DNAH9: variants seen among roughly 807,000 people sequenced by gnomAD.
DNAH9 encodes the protein dynein axonemal heavy chain 9.
In DNAH9, 345 loss-of-function variants were observed where a neutral mutation model predicts 471.6. That is an observed-to-expected ratio of 0.73 (90% confidence interval 0.67 to 0.80). The LOEUF (loss-of-function observed/expected upper bound fraction) is 0.80, where lower values mean the gene tolerates loss of function less well. DNAH9 is among the 30% of genes least tolerant of loss of function. The pLI is 0.00. For synonymous variants in DNAH9, 2,093 were observed against 2,123.6 expected, an observed-to-expected ratio of 0.99 and a Z score of 0.40; for missense variants, 5,407 against 5,609.2, an observed-to-expected ratio of 0.96 and a Z score of 1.15.
At chr17:11,839,525 A>G (rs1177568645) in intron 49 of DNAH9, among the ~76,000 whole-genome samples, 1 of 151,978 alleles carries the variant, frequency 6.6e-6, no homozygotes, top group African/African-American at 2.4e-5. Context: ...CAAAAAAAAA[A>G]AAAAGAAAAT....
rs182085773 is a variant in DNAH9 at position 11,626,144 on chromosome 17, T to C, written c.1351-3273T>C. ...TCTTTCCACAATGCCATATGTTGTG[T>C]CTCTGAAGTGGATATTTCAGCCGGT... On this transcript the variant is annotated intron_variant, in intron 6 of 68. Transcript: ENST00000262442. The surrounding 1 kb of genome is among the most constrained non-coding windows in gnomAD (Gnocchi z 4.3). Among the ~76,000 whole-genome samples the C allele has an allele frequency of 1.3e-3, 194 of 152,330 alleles. 1 individual carries two copies. Among genetic ancestry groups the C allele is most frequent in the Non-Finnish European group, 2.3e-3 (155 of 68,026 alleles).
intron 59 of DNAH9, among the ~76,000 whole-genome samples, chr17:11,900,565 A>T (rs541213032): frequency 4.8e-4 from 72 of 150,700 alleles, no homozygotes; most frequent in African/African-American, 1.5e-3. Flanking sequence ...GCAGAATTCT[A>T]CATACCTACC....
At chr17:11,693,695 G>A (rs2074377666) in intron 20 of DNAH9, among the ~76,000 whole-genome samples, 173 bp from the exon 21 acceptor site, 2 of 152,162 alleles carry the variant, frequency 1.3e-5, no homozygotes, top group South Asian at 4.1e-4. Context: ...TTTTGAAAAT[G>A]TAAATGGGTT....
chr17:11,803,929 C>T (rs1969562551), intron 43 of DNAH9, among the ~76,000 whole-genome samples: 1 of 152,226 alleles, frequency 6.6e-6, no homozygotes, highest in Non-Finnish European at 1.5e-5. Context: ...CTCCCTTCAT[C>T]AGGCACCATC....
chr17:11,872,898 C>A (rs147457132), intron 52 of DNAH9, among the ~76,000 whole-genome samples: 3 of 152,182 alleles, frequency 2.0e-5, no homozygotes, highest in African/African-American at 7.2e-5. Flanking sequence ...CCAGCCTGGG[C>A]GACAGAGCGA....
chr17:11,676,636 A>G (rs1418711265), intron 17 of DNAH9, among the ~76,000 whole-genome samples: 1 of 152,112 alleles, frequency 6.6e-6, no homozygotes, highest in African/African-American at 2.4e-5. Context: ...GCCGGACACA[A>G]AAAAACTATC....
At chr17:11,815,434 C>T (rs543439847) in intron 45 of DNAH9, among the ~76,000 whole-genome samples, 6 of 152,162 alleles carry the variant, frequency 3.9e-5, no homozygotes, top group Non-Finnish European at 7.3e-5. Flanking sequence ...TATCTCTCTA[C>T]TTCCCATGCT....
chr17:11,847,478 A>C (rs1471741961), intron 49 of DNAH9, among the ~76,000 whole-genome samples: 1 of 152,136 alleles, frequency 6.6e-6, no homozygotes, highest in Non-Finnish European at 1.5e-5. Flanking sequence ...TCCTTTCTCC[A>C]TGACCTGTTT....
intron 68 of DNAH9, among the ~76,000 whole-genome samples, chr17:11,968,972 T>C (rs1355251823): frequency 6.6e-6 from 1 of 152,222 alleles, no homozygotes; most frequent in Non-Finnish European, 1.5e-5. Flanking sequence ...GCCCGACATC[T>C]GGCAAATATA....
At chr17:11,635,938 T>C (rs753374385) in intron 8 of DNAH9, among the ~76,000 whole-genome samples, 1 of 152,188 alleles carries the variant, frequency 6.6e-6, no homozygotes, top group Non-Finnish European at 1.5e-5. Context: ...ACTTAGCTTC[T>C]TTTTCTTTTC....
In DNAH9 at chr17:11,704,576, C is replaced by T. The variant is rs931206741; in HGVS notation, c.5391+134C>T. 6.7e-6 allele frequency: 5 copies of T among 747,524 alleles called. No individual in the cohort carries two copies. The African/African-American group carries it at 7.2e-5, about 11-fold the overall frequency. 46.3% of individuals were successfully genotyped at this position (747,524 alleles called of 1,614,324 possible). A position where few individuals can be genotyped will look rare whatever the true frequency, so the allele number is the denominator to read the frequency against. On this transcript the variant is annotated intron_variant, in intron 25 of 68. Coordinates refer to ENST00000262442, the MANE Select transcript of DNAH9 (RefSeq NM_001372.4). ...AGCTGGGGGAGGATCACAGTGGCTG[C>T]TCCTACTTTTTTTTTTTTTTTTTTG...
At chr17:11,792,391 G>T (rs1969096839) in intron 41 of DNAH9, among the ~76,000 whole-genome samples, 1 of 152,228 alleles carries the variant, frequency 6.6e-6, no homozygotes, top group African/African-American at 2.4e-5. Context: ...CCCATTAAAT[G>T]ATCCCTTTCC....
intron 49 of DNAH9, among the ~76,000 whole-genome samples, chr17:11,848,685 A>G (rs983574844): frequency 6.6e-6 from 1 of 152,208 alleles, no homozygotes; most frequent in Non-Finnish European, 1.5e-5. Flanking sequence ...TTTCACTTAC[A>G]TAGAACAATG....
chr17:11,720,743 C>T (rs997277850), intron 27 of DNAH9, among the ~76,000 whole-genome samples: 2 of 152,106 alleles, frequency 1.3e-5, no homozygotes, highest in Non-Finnish European at 2.9e-5. Flanking sequence ...AGAGTTGCAG[C>T]GTCCTGTAGC....
chr17:11,948,481 C>T (rs551300593), intron 67 of DNAH9, among the ~76,000 whole-genome samples: 105 of 152,258 alleles, frequency 6.9e-4, no homozygotes, highest in Admixed American at 1.6e-3. Context: ...CCACCCGCCT[C>T]GGCCTCCCAA....
intron 45 of DNAH9, among the ~76,000 whole-genome samples, chr17:11,819,413 G>A (rs1002519422): frequency 2.0e-5 from 3 of 152,016 alleles, no homozygotes; most frequent in Admixed American, 6.6e-5. Flanking sequence ...TCCAGCCCTT[G>A]TCTGCCTCCT....
chr17:11,682,256 TAGC>T, intron 19 of DNAH9, among the ~76,000 whole-genome samples: 1 of 150,610 alleles, frequency 6.6e-6, no homozygotes, highest in East Asian at 2.0e-4. Flanking sequence ...GCTTGGGAGA[TAGC>T]AGCATTTTCG....
chr17:11,718,006 T>G (rs755579641), intron 26 of DNAH9, among the ~76,000 whole-genome samples: 3 of 151,742 alleles, frequency 2.0e-5, no homozygotes, highest in African/African-American at 2.4e-5. Flanking sequence ...ACCAAGTAGC[T>G]GGAATTACAG....
chr17:11,865,834 C>A (rs897179576), intron 50 of DNAH9, among the ~76,000 whole-genome samples: 3 of 152,220 alleles, frequency 2.0e-5, no homozygotes, highest in African/African-American at 7.2e-5. Flanking sequence ...CTTCTGCATT[C>A]TTCATGTAGT....
Sources: allele counts gnomAD v4.1 joint callset (sites outside exome capture counted in the v4.1 genomes callset), GRCh38; gene constraint gnomAD v4.1.1; non-coding constraint Gnocchi (gnomAD v3.1); transcripts MANE v1.5; gene names NCBI Gene and HGNC (gene_info 2026-07-23, HGNC 2026-07-21).